The following EXOC2 variants were observed in gnomAD, a reference collection of about 807,000 sequenced individuals.
EXOC2 encodes the protein exocyst complex component 2, also known as SEC5-like 1.
In EXOC2, 70 loss-of-function variants were observed where a neutral mutation model predicts 131.8. That is an observed-to-expected ratio of 0.53 (90% CI 0.44 to 0.65). EXOC2 has a LOEUF of 0.65. Among genes scored for constraint, EXOC2 ranks in the 30% least tolerant of loss-of-function variants. The pLI is 0.00. For synonymous variants in EXOC2, 411 were observed against 398.4 expected (o/e 1.03, Z -0.38); for missense variants, 923 against 1,108.6 (o/e 0.83, Z 2.38).
At chr6:577,114 T>C (rs775629752) in intron 11 of EXOC2, among the ~76,000 whole-genome samples, 1 of 152,172 alleles carries the variant, frequency 6.6e-6, no homozygotes, top group Non-Finnish European at 1.5e-5. Context: ...ACACAAAAAG[T>C]AGCAGGAAAA....
At chr6:659,216 C>T (rs749637307) in intron 1 of EXOC2, among the ~76,000 whole-genome samples, 36 of 152,168 alleles carry the variant, frequency 2.4e-4, no homozygotes, top group Admixed American at 5.2e-4. Flanking sequence ...ATTTAACTGA[C>T]ATTGCGTTTG....
chr6:555,864 G>A (rs867897513), intron 19 of EXOC2, 90 bp downstream of exon 19: 2 of 1,274,042 alleles, frequency 1.6e-6, no homozygotes, highest in Middle Eastern at 3.8e-4. Context: ...CCTATTTGGT[G>A]AACGTCATCT....
At chr6:493,760 T>C (rs533914925) in intron 25 of EXOC2, among the ~76,000 whole-genome samples, 45 of 152,268 alleles carry the variant, frequency 3.0e-4, no homozygotes, top group African/African-American at 9.1e-4. Context: ...GAGTTTAGAC[T>C]CACGACCTTT....
rs995307259 is a variant in EXOC2 at position 674,607 on chromosome 6, C to T, written c.-44+18412G>A. Among the ~76,000 whole-genome samples, 5 of 151,974 alleles carry T rather than the reference C, an allele frequency of 3.3e-5. No homozygotes were observed. The East Asian group carries it at 9.7e-4, about 29-fold the overall frequency. ...TACTCTTTTCTAGGTCAAATTTATG[C>T]CTCTTCTCCTTGGCAATAAGAAACA... On this transcript the variant is annotated intron_variant, in intron 1 of 27. Transcript: ENST00000230449.
At chr6:562,602 AT>A (rs1757758286) in intron 17 of EXOC2, among the ~76,000 whole-genome samples, 181 bp downstream of exon 17, 1 of 152,264 alleles carries the variant, frequency 6.6e-6, no homozygotes, top group Non-Finnish European at 1.5e-5. Flanking sequence ...CATTGTTCTC[AT>A]TAATTTTTCA....
At chr6:515,570 C>A (rs745581875) in intron 23 of EXOC2, among the ~76,000 whole-genome samples, 1 of 152,036 alleles carries the variant, frequency 6.6e-6, no homozygotes, top group East Asian at 1.9e-4. Flanking sequence ...ACAGGGCACA[C>A]GGCAGTCCTA....
At chr6:586,565 T>C (rs1436244542) in intron 11 of EXOC2, among the ~76,000 whole-genome samples, 2 of 152,258 alleles carry the variant, frequency 1.3e-5, no homozygotes, top group African/African-American at 4.8e-5. Flanking sequence ...TTCATCGAGC[T>C]TGGCTAGTTT....
chr6:521,069 C>T (rs1765427709), intron 23 of EXOC2, among the ~76,000 whole-genome samples: 1 of 82,922 alleles, frequency 1.2e-5, no homozygotes, highest in Admixed American at 1.1e-4. Context: ...GAGAGGAAAA[C>T]CACCACCCAC....
chr6:619,753 T>C (rs892346808), intron 4 of EXOC2, among the ~76,000 whole-genome samples: 6 of 152,222 alleles, frequency 3.9e-5, no homozygotes, highest in African/African-American at 1.4e-4. Context: ...ACTTTGATTT[T>C]ATATAGAAAA....
chr6:675,479 C>T (rs934981065), intron 1 of EXOC2, among the ~76,000 whole-genome samples: 10 of 152,244 alleles, frequency 6.6e-5, no homozygotes, highest in East Asian at 1.9e-4. Context: ...AAGAAATGGG[C>T]GCCCCATCAA....
intron 22 of EXOC2, among the ~76,000 whole-genome samples, chr6:545,175 A>C (rs985487901): frequency 4.3e-4 from 66 of 151,946 alleles, no homozygotes; most frequent in Non-Finnish European, 8.2e-4. Context: ...AAAAAAAAAA[A>C]AAACTTCAAT....
chr6:490,432 C>T (rs1763363342), intron 26 of EXOC2, among the ~76,000 whole-genome samples: 1 of 152,098 alleles, frequency 6.6e-6, no homozygotes. Flanking sequence ...TGAGCTGTGA[C>T]CGACGGGAAT....
chr6:660,188 C>G (rs1218003520), intron 1 of EXOC2, among the ~76,000 whole-genome samples: 1 of 148,932 alleles, frequency 6.7e-6, no homozygotes, highest in Non-Finnish European at 1.5e-5. Flanking sequence ...CCCCCCCAAC[C>G]CGATGGTCCT....
rs571365160 is a variant in EXOC2, at chr6:606,646, G to T, written c.742+3452C>A. On this transcript the variant is annotated intron_variant, in intron 7 of 27. Coordinates refer to ENST00000230449, the MANE Select transcript of EXOC2 (RefSeq NM_018303.6). The stretch of plus-strand genomic sequence containing the variant: ...CTTCTGATATTTTTTCCTTTGCACC[G>T]TCCACATCATGAAACATCTCTGAGG... Among the ~76,000 whole-genome samples, 3 of 152,110 alleles carry T rather than the reference G, an allele frequency of 2.0e-5. No individual in the cohort carries two copies. The South Asian group carries it at 6.2e-4, about 32-fold the overall frequency.
chr6:607,001 A>G (rs1760453110), intron 7 of EXOC2, among the ~76,000 whole-genome samples: 1 of 152,196 alleles, frequency 6.6e-6, no homozygotes. Context: ...GAGAACTGGT[A>G]ACAGACGTAC....
Position 673,297 on chromosome 6 carries a change from A to AT in EXOC2, c.-44+19721dup, listed in dbSNP as rs374607469. Among the ~76,000 whole-genome samples the AT allele has an allele frequency of 3.6e-3, 524 of 143,730 alleles. 7 individuals are homozygous for AT. The highest frequency in any genetic ancestry group is 0.013 in the African/African-American group (483 of 38,574). 94.3% of individuals were successfully genotyped at this position (143,730 alleles called of 152,430 possible). A position where few individuals can be genotyped will look rare whatever the true frequency, so the allele number is the denominator to read the frequency against. On this transcript the variant is annotated intron_variant, in intron 1 of 27. Transcript: ENST00000230449. ...AAAAAAAAAAAAAAAAAAAATTCAC[A>AT]TTTATCTAAGAAAAAAGATAACAAT...
intron 7 of EXOC2, among the ~76,000 whole-genome samples, chr6:609,091 A>G (rs1432719274): frequency 6.6e-6 from 1 of 152,258 alleles, no homozygotes; most frequent in Non-Finnish European, 1.5e-5. Flanking sequence ...ATGAAATCCA[A>G]GTCCTCAAAT....
chr6:687,603 A>G (rs1271621119), intron 1 of EXOC2, among the ~76,000 whole-genome samples: 1 of 152,222 alleles, frequency 6.6e-6, no homozygotes, highest in Non-Finnish European at 1.5e-5. Flanking sequence ...GAAAAACAGA[A>G]AAACTAGGGC....
At chr6:571,126 C>T (rs1373212455) in intron 13 of EXOC2, among the ~76,000 whole-genome samples, 1 of 152,192 alleles carries the variant, frequency 6.6e-6, no homozygotes, top group Non-Finnish European at 1.5e-5. Flanking sequence ...ACCTGCGAAA[C>T]CTGACGTTCG....
Sources: gnomAD v4.1 joint callset for allele counts (sites outside exome capture counted in the v4.1 genomes callset) on GRCh38, gnomAD v4.1.1 for gene constraint, MANE v1.5 for transcripts, NCBI Gene and HGNC (gene_info 2026-07-23, HGNC 2026-07-21) for gene names.